The following DAB1 variants were observed in gnomAD, a reference collection of about 807,000 sequenced individuals.
The protein encoded by DAB1 is disabled homolog 1.
A neutral mutation model predicts 64.6 loss-of-function variants in DAB1; 15 were observed. The observed-to-expected ratio is 0.23, with a 90% CI of 0.16 to 0.36. DAB1 has a LOEUF of 0.36. Among genes scored for constraint, DAB1 ranks in the 10% least tolerant of loss-of-function variants. DAB1 has a pLI of 1.00. For missense variants in DAB1, 596 were observed against 706.7 expected (o/e 0.84, Z 1.78); for synonymous variants, 235 against 251.9 (o/e 0.93, Z 0.64).
intron 2 of DAB1, among the ~76,000 whole-genome samples, chr1:57,272,890 G>T (rs1449440152): frequency 6.6e-6 from 1 of 152,164 alleles, no homozygotes; most frequent in Non-Finnish European, 1.5e-5. Flanking sequence ...ATTCTCCTTT[G>T]TTTGTGATAA....
intron 2 of DAB1, among the ~76,000 whole-genome samples, chr1:57,165,222 G>A (rs572088160): frequency 9.3e-5 from 14 of 151,064 alleles, no homozygotes; most frequent in East Asian, 1.9e-4. Context: ...TTTTTTTGTC[G>A]CCTTTCTGCA....
intron 6 of DAB1, among the ~76,000 whole-genome samples, chr1:57,674,877 G>A (rs1462706535): frequency 6.6e-6 from 1 of 152,134 alleles, no homozygotes; most frequent in Non-Finnish European, 1.5e-5. Flanking sequence ...TCCAATGGTG[G>A]CCACAGTAAC....
chr1:58,276,853 G>A (rs1661457599), intron 4 of DAB1, among the ~76,000 whole-genome samples: 1 of 152,030 alleles, frequency 6.6e-6, no homozygotes, highest in Non-Finnish European at 1.5e-5. Context: ...TAGAGATCAT[G>A]TAGATCACGA....
At chr1:58,335,357 C>G (rs554897241) in intron 4 of DAB1, among the ~76,000 whole-genome samples, 24 of 152,170 alleles carry the variant, frequency 1.6e-4, no homozygotes, top group Non-Finnish European at 3.1e-4. Context: ...AGGCAACTTA[C>G]AGGACTTCAG....
intron 7 of DAB1, among the ~76,000 whole-genome samples, chr1:57,531,280 G>A (rs893789088): frequency 6.6e-6 from 1 of 152,048 alleles, no homozygotes; most frequent in Non-Finnish European, 1.5e-5. Flanking sequence ...TGAACACCTT[G>A]TGACCCCTGC....
intron 4 of DAB1, among the ~76,000 whole-genome samples, chr1:58,175,087 TTTG>T (rs1305831383): frequency 6.6e-6 from 1 of 152,244 alleles, no homozygotes; most frequent in African/African-American, 2.4e-5. Flanking sequence ...CTGCGGAAGC[TTTG>T]TTCTTTCACT....
intron 2 of DAB1, among the ~76,000 whole-genome samples, chr1:57,253,192 T>C (rs1457409431): frequency 1.3e-5 from 2 of 152,102 alleles, no homozygotes; most frequent in Non-Finnish European, 2.9e-5. Flanking sequence ...GCTCTGCCTA[T>C]GGATGTGCAT....
rs138130491 is a variant in DAB1 at position 58,006,786 on chromosome 1, G to A, written n.388-122624C>T. Among the ~76,000 whole-genome samples, 265 of 152,236 alleles carry A rather than the reference G, an allele frequency of 1.7e-3. 1 individual carries two copies. Among genetic ancestry groups the A allele is most frequent in the African/African-American group, 5.9e-3 (244 of 41,536 alleles). On this transcript the variant is annotated intron_variant and non_coding_transcript_variant, in intron 5 of 20. Coordinates refer to the DAB1 transcript ENST00000485760. Reference sequence around the variant, plus strand: ...CGCAAGCACCTCCTCTCTGCCTCCCGTCCCTCAGGAATGCTCCTGTGAAGG... The same window carrying A: ...CGCAAGCACCTCCTCTCTGCCTCCCATCCCTCAGGAATGCTCCTGTGAAGG...
intron 4 of DAB1, among the ~76,000 whole-genome samples, chr1:58,308,575 A>G (rs1220367324): frequency 6.6e-6 from 1 of 152,106 alleles, no homozygotes; most frequent in Non-Finnish European, 1.5e-5. Context: ...CTCAAGCAGA[A>G]AGGGTTTAAG....
intron 6 of DAB1, among the ~76,000 whole-genome samples, chr1:57,819,042 C>T (rs531239374): frequency 6.6e-6 from 1 of 152,076 alleles, no homozygotes; most frequent in Non-Finnish European, 1.5e-5. Context: ...TCTTACCCTC[C>T]CTTCTTCTAT....
intron 5 of DAB1, among the ~76,000 whole-genome samples, chr1:58,126,646 C>A (rs1332290532): frequency 3.8e-4 from 45 of 119,446 alleles, no homozygotes; most frequent in Admixed American, 9.4e-4. Flanking sequence ...GTGTGATATT[C>A]CCCTTCCTGT....
chr1:57,693,826 C>T (rs1271109053), intron 6 of DAB1, among the ~76,000 whole-genome samples: 1 of 152,158 alleles, frequency 6.6e-6, no homozygotes, highest in Non-Finnish European at 1.5e-5. Flanking sequence ...ATAACACTCA[C>T]CCCAAAGGTC....
intron 1 of DAB1, among the ~76,000 whole-genome samples, chr1:57,310,692 C>G (rs1192515193): frequency 6.6e-6 from 1 of 152,224 alleles, no homozygotes; most frequent in African/African-American, 2.4e-5. Flanking sequence ...GTCTATCCCA[C>G]TAACCCTGCT....
At chr1:58,324,712 C>G (rs1662781201) in intron 4 of DAB1, among the ~76,000 whole-genome samples, 1 of 152,170 alleles carries the variant, frequency 6.6e-6, no homozygotes, top group Admixed American at 6.5e-5. Flanking sequence ...TAAAATGAAG[C>G]AACTTAGAGT....
At chr1:58,295,755 G>A (rs761999602) in intron 4 of DAB1, among the ~76,000 whole-genome samples, 5 of 152,144 alleles carry the variant, frequency 3.3e-5, no homozygotes, top group Non-Finnish European at 7.4e-5. Flanking sequence ...ACACTGGAAC[G>A]CAAGGGGCAG....
intron 5 of DAB1, among the ~76,000 whole-genome samples, chr1:57,924,790 G>C (rs184332530): frequency 3.9e-5 from 6 of 151,940 alleles, no homozygotes; most frequent in Admixed American, 3.9e-4. Context: ...CTATGTATCA[G>C]TTTACTCGTC....
intron 8 of DAB1, among the ~76,000 whole-genome samples, chr1:57,064,488 A>G (rs1381638785): frequency 6.6e-6 from 1 of 152,166 alleles, no homozygotes; most frequent in Non-Finnish European, 1.5e-5. Flanking sequence ...TTCAGGTAAG[A>G]ACTCAGTTGG....
intron 7 of DAB1, among the ~76,000 whole-genome samples, chr1:57,536,507 CTGG>C (rs796519630): frequency 3.3e-5 from 5 of 152,246 alleles, no homozygotes; most frequent in African/African-American, 1.2e-4. Context: ...AATTATTGCT[CTGG>C]TTCCCAACAA....
intron 3 of DAB1, among the ~76,000 whole-genome samples, chr1:58,414,896 T>A (rs1196853142): frequency 1.3e-5 from 2 of 152,116 alleles, no homozygotes; most frequent in Non-Finnish European, 2.9e-5. Flanking sequence ...ACGAAGTGTC[T>A]GAAAAAATAA....
Sources: allele counts gnomAD v4.1 joint callset (sites outside exome capture counted in the v4.1 genomes callset), GRCh38; gene constraint gnomAD v4.1.1; transcripts MANE v1.5; gene names NCBI Gene and HGNC (gene_info 2026-07-23, HGNC 2026-07-21).